Variants in EIF3H observed in about 807,000 individuals in gnomAD.
EIF3H encodes the protein eukaryotic translation initiation factor 3 subunit H, also known as eIF-3-gamma.
A neutral mutation model predicts 44.2 loss-of-function variants in EIF3H; 26 were observed. That is an observed-to-expected ratio of 0.59 (90% CI 0.43 to 0.82). The LOEUF is 0.82. Ranked by LOEUF, EIF3H falls within the 40% of genes least tolerant of loss-of-function variation. The pLI is 0.00. For missense variants in EIF3H, 359 were observed against 432.8 expected (o/e 0.83, Z 1.51); for synonymous variants, 166 against 151.9 (o/e 1.09, Z -0.68).
At chr8:116,743,796 ATAAACACACACACACAC>A (rs1815178549) in intron 1 of EIF3H, among the ~76,000 whole-genome samples, 6 of 98,960 alleles carry the variant, frequency 6.1e-5, no homozygotes, top group South Asian at 3.2e-4. Context: ...ATATATATAT[ATAAACACACACACACAC>A]ACACACACAC....
intron 2 of EIF3H, among the ~76,000 whole-genome samples, chr8:116,706,759 G>C (rs1814476840): frequency 6.6e-6 from 1 of 152,104 alleles, no homozygotes; most frequent in Non-Finnish European, 1.5e-5. Context: ...TGGTCAGGCT[G>C]ATCTTGAACT....
intron 2 of EIF3H, among the ~76,000 whole-genome samples, chr8:116,676,312 C>T (rs12155774): frequency 0.44 from 66,925 of 152,142 alleles, 18,790 homozygotes; most frequent in Non-Finnish European, 0.63. Context: ...TGAGACTAGG[C>T]TGTGTAATCT....
chr8:116,672,504 T>G (rs143626431), intron 2 of EIF3H, among the ~76,000 whole-genome samples: 1 of 152,022 alleles, frequency 6.6e-6, no homozygotes, highest in South Asian at 2.1e-4. Context: ...TCCTAGCTAT[T>G]CAGGAGAAGG....
At chr8:116,733,993 T>C (rs1814991594) in intron 1 of EIF3H, among the ~76,000 whole-genome samples, 1 of 152,218 alleles carries the variant, frequency 6.6e-6, no homozygotes, top group African/African-American at 2.4e-5. Context: ...TGGATAATCG[T>C]ATCTGTTCTT....
At chr8:116,678,092 T>A (rs1377511472) in intron 2 of EIF3H, among the ~76,000 whole-genome samples, 1 of 151,284 alleles carries the variant, frequency 6.6e-6, no homozygotes, top group Non-Finnish European at 1.5e-5. Context: ...CCTCCCTGCC[T>A]GATTCTCCTG....
intron 2 of EIF3H, among the ~76,000 whole-genome samples, chr8:116,695,196 T>C (rs1586460794): frequency 1.3e-5 from 2 of 151,810 alleles, no homozygotes; most frequent in South Asian, 4.2e-4. Context: ...GCCACCCAAG[T>C]AGCTGGGTTT....
intron 1 of EIF3H, among the ~76,000 whole-genome samples, chr8:116,727,276 A>G (rs961180724): frequency 6.6e-6 from 1 of 152,214 alleles, no homozygotes; most frequent in African/African-American, 2.4e-5. Flanking sequence ...AGTGGAAACG[A>G]AGCTAAAAAA....
chr8:116,735,654 A>G (rs945619110), intron 1 of EIF3H, among the ~76,000 whole-genome samples: 1 of 152,014 alleles, frequency 6.6e-6, no homozygotes, highest in African/African-American at 2.4e-5. Flanking sequence ...AAGCCAAAAC[A>G]CCACCACCAC....
intron 2 of EIF3H, among the ~76,000 whole-genome samples, chr8:116,701,984 T>TAA (rs2130881681): frequency 6.6e-6 from 1 of 152,152 alleles, no homozygotes; most frequent in South Asian, 2.1e-4. Context: ...TTGCAAGTTC[T>TAA]GTAAATCTAA....
At chr8:116,692,287 C>A (rs1464355338) in intron 2 of EIF3H, among the ~76,000 whole-genome samples, 1 of 152,122 alleles carries the variant, frequency 6.6e-6, no homozygotes, top group East Asian at 1.9e-4. Flanking sequence ...GAGAAAAGAA[C>A]CATTACCATT....
rs1414002480 is a variant in EIF3H at position 116,679,601 on chromosome 8, C to G, written c.290-20621G>C. ...GAGGAAGGTGGGGGGGTCAGCCCCC[C>G]GCCCGGCCAGCCGCCCCGTCCGGGA... On this transcript the variant is annotated intron_variant, in intron 2 of 7. Transcript: ENST00000521861. Among the ~76,000 whole-genome samples, 3 of 27,112 alleles carry G rather than the reference C, an allele frequency of 1.1e-4. No individual in the cohort carries two copies. The East Asian group carries it at 1.4e-3, about 13-fold the overall frequency. 17.8% of individuals were successfully genotyped at this position (27,112 alleles called of 152,430 possible).
intron 2 of EIF3H, among the ~76,000 whole-genome samples, chr8:116,674,067 CAAAAAAAA>C (rs59899280): frequency 2.8e-4 from 14 of 49,664 alleles, no homozygotes; most frequent in African/African-American, 1.3e-3. Flanking sequence ...AAGACTGTCT[CAAAAAAAA>C]AAAAAAAAAA....
At chr8:116,676,068 C>T (rs985479317) in intron 2 of EIF3H, among the ~76,000 whole-genome samples, 5 of 152,270 alleles carry the variant, frequency 3.3e-5, no homozygotes, top group Admixed American at 1.3e-4. Context: ...TCACTACCAT[C>T]GAAATGTGAT....
intron 2 of EIF3H, among the ~76,000 whole-genome samples, chr8:116,714,451 T>TA (rs1328745662): frequency 6.6e-6 from 1 of 152,116 alleles, no homozygotes; most frequent in African/African-American, 2.4e-5. Flanking sequence ...TCTGAGGCAG[T>TA]AAGCAGGATT....
intron 2 of EIF3H, among the ~76,000 whole-genome samples, chr8:116,686,528 G>A (rs576625822): frequency 2.0e-5 from 3 of 152,098 alleles, no homozygotes; most frequent in African/African-American, 4.8e-5. Context: ...AGTATTTCCT[G>A]AGCACTTAGC....
rs144580463 is a variant in EIF3H at position 116,714,392 on chromosome 8, T to C, written c.289+11624A>G. ...CCGTAGTCTGGACTTATATCAATTCTGTTTTACAATTTTTTTATGTACACA... is the reference window on the plus strand; with the variant it reads ...CCGTAGTCTGGACTTATATCAATTCCGTTTTACAATTTTTTTATGTACACA... On this transcript the variant is annotated intron_variant, in intron 2 of 7. Transcript: ENST00000521861. 1.3e-4 allele frequency among the ~76,000 whole-genome samples: 20 copies of C among 152,262 alleles called. No homozygotes were observed. The East Asian group carries it at 3.7e-3, about 28-fold the overall frequency.
intron 1 of EIF3H, among the ~76,000 whole-genome samples, chr8:116,763,385 T>G (rs1815536855): frequency 6.6e-6 from 1 of 152,242 alleles, no homozygotes; most frequent in Non-Finnish European, 1.5e-5. Flanking sequence ...GAGAAGAAAT[T>G]ACTATCTTCA....
intron 1 of EIF3H, among the ~76,000 whole-genome samples, chr8:116,726,925 T>C (rs1814852093): frequency 6.6e-6 from 1 of 152,208 alleles, no homozygotes. Context: ...TAAAGTGTTT[T>C]ATAGTGCCTG....
intron 2 of EIF3H, among the ~76,000 whole-genome samples, 162 bp downstream of exon 2, chr8:116,725,854 A>G (rs1814826637): frequency 2.0e-5 from 3 of 152,194 alleles, no homozygotes; most frequent in Admixed American, 2.0e-4. Flanking sequence ...ATAAACCCTC[A>G]TTTCCCAGAA....
Sources: allele counts gnomAD v4.1 joint callset (sites outside exome capture counted in the v4.1 genomes callset), GRCh38; gene constraint gnomAD v4.1.1; transcripts MANE v1.5; gene names NCBI Gene and HGNC (gene_info 2026-07-23, HGNC 2026-07-21).